Variants in UBE2O observed in about 807,000 individuals in gnomAD.
UBE2O encodes ubiquitin conjugating enzyme E2 O, also known as (E3-independent) E2 ubiquitin-conjugating enzyme.
In UBE2O, 15 loss-of-function variants were observed where a neutral mutation model predicts 125.8. The ratio of observed to expected loss-of-function variants is 0.12; its 90% CI spans 0.08 to 0.18. The LOEUF is 0.18. Ranked by LOEUF, UBE2O falls within the 10% of genes least tolerant of loss-of-function variation. UBE2O has a pLI of 1.00. For synonymous variants in UBE2O, 708 were observed against 703.2 expected (o/e 1.01, Z -0.11); for missense variants, 1,280 against 1,723.6 (o/e 0.74, Z 4.56).
In UBE2O at chr17:76,402,182, A is replaced by T; in HGVS notation, c.687-55T>A. On this transcript the variant is annotated intron_variant, in intron 4 of 17. Coordinates refer to ENST00000319380, the MANE Select transcript of UBE2O (RefSeq NM_022066.4). The surrounding 1 kb of genome is among the most constrained non-coding windows in gnomAD (Gnocchi z 5.4). ...ACCAGGGGACACAGTGAGTACCAAAAAGTTGCGATTCTGAGATGCCAATGC... is the reference window on the plus strand; with the variant it reads ...ACCAGGGGACACAGTGAGTACCAAATAGTTGCGATTCTGAGATGCCAATGC... 6.3e-7 allele frequency: 1 copy of T among 1,576,506 alleles called. No individual in the cohort carries two copies. The highest frequency in any genetic ancestry group is 1.1e-5 in the South Asian group (1 of 88,390).
intron 1 of UBE2O, among the ~76,000 whole-genome samples, chr17:76,440,473 G>T (rs985632984): frequency 6.6e-6 from 1 of 152,162 alleles, no homozygotes; most frequent in African/African-American, 2.4e-5. Context: ...GACTACAGGC[G>T]TAAGCTGCCA....
rs368232493 is a variant in UBE2O at position 76,398,593 on chromosome 17, C to G, written c.1784-9G>C. The stretch of plus-strand genomic sequence containing the variant: ...GTCTGGACAGCTCTGGACTAGGGAA[C>G]CAGAGAAAGGGAAGTGACTAGCTAA... On this transcript the variant is annotated splice_polypyrimidine_tract_variant and intron_variant, in intron 10 of 17. Transcript: ENST00000319380. This position sits in a 1 kb window ranked among gnomAD's most constrained non-coding sequence, Gnocchi z 5.4. 1.5e-4 allele frequency: 241 copies of G among 1,612,710 alleles called. No homozygotes were observed. The highest frequency in any genetic ancestry group is 2.0e-4 in the Non-Finnish European group (235 of 1,179,120).
In UBE2O at chr17:76,392,075, G is replaced by A. The variant is rs2072123136; in HGVS notation, c.2985C>T (p.Thr995=). ...ACAAGTAGAGGCCATCCTCGTAGGG[G>A]GTTCGAGTGGGGCCCTTGATGAGAG... is the stretch of plus-strand genomic sequence containing the variant. ...FSALIKGPTR[T]PYEDGLYLFD... is the part of the protein sequence containing the mutation. The change falls in exon 16 of 18, where the codon ACC becomes ACT. Residue 995 remains threonine, a synonymous_variant. Transcript: ENST00000319380. The A allele has an allele frequency of 3.2e-6, 5 of 1,539,354 alleles. No homozygotes were observed. Among genetic ancestry groups the A allele is most frequent in the Admixed American group, 4.4e-5 (2 of 45,674 alleles).
chr17:76,389,844 GTTT>G lies in UBE2O; in HGVS notation c.*1096_*1098del, dbSNP rs66523654. On this transcript the variant is annotated 3_prime_UTR_variant, in exon 18 of 18. Transcript: ENST00000319380. The stretch of plus-strand genomic sequence containing the variant: ...TAAGAGTTAATATCTTTGCTTTTGA[GTTT>G]TTTTTCCAACCTTAAATATTACATA... 0.036 allele frequency: 5,437 copies of G among 152,242 alleles called. 124 individuals carry two copies. The highest frequency in any genetic ancestry group is 0.052 in the Non-Finnish European group (3,536 of 67,958). 9.4% of individuals were successfully genotyped at this position (152,242 alleles called of 1,614,324 possible). A position where few individuals can be genotyped will look rare whatever the true frequency, so the allele number is the denominator to read the frequency against.
intron 1 of UBE2O, among the ~76,000 whole-genome samples, chr17:76,425,225 C>CAA (rs58377572): frequency 0.024 from 2,245 of 94,574 alleles, 130 homozygotes; most frequent in African/African-American, 0.07. Context: ...GTCCTTTCGA[C>CAA]AAAAAAAAAA....
At chr17:76,424,632 TG>T (rs1371999418) in intron 1 of UBE2O, among the ~76,000 whole-genome samples, 1 of 152,010 alleles carries the variant, frequency 6.6e-6, no homozygotes, top group African/African-American at 2.4e-5. Flanking sequence ...TCCAGCACTT[TG>T]GGAAGCCAAG....
At position 76,421,101 on chromosome 17, in the gene UBE2O, T is replaced by A. The variant is rs1047154553; in HGVS notation, c.418-15529A>T. Among the ~76,000 whole-genome samples the A allele has an allele frequency of 2.6e-5, 4 of 152,254 alleles. No individual in the cohort carries two copies. The East Asian group carries it at 5.8e-4, about 22-fold the overall frequency. On this transcript the variant is annotated intron_variant, in intron 1 of 17. Coordinates refer to ENST00000319380, the MANE Select transcript of UBE2O (RefSeq NM_022066.4). ...GTGAACAGGACTCAGCACCACCCAT[T>A]TGCTAAGTGGGTGCAGTCCATCAGT...
chr17:76,422,872 G>C (rs1376129184), intron 1 of UBE2O, among the ~76,000 whole-genome samples: 1 of 152,262 alleles, frequency 6.6e-6, no homozygotes, highest in East Asian at 1.9e-4. Flanking sequence ...ACCCCAGCAA[G>C]TGCCTGGAAC....
At chr17:76,415,927 G>A (rs8071034) in intron 1 of UBE2O, among the ~76,000 whole-genome samples, 2,629 of 131,588 alleles carry the variant, frequency 0.02, 78 homozygotes, top group African/African-American at 0.062. Flanking sequence ...GCACATACAC[G>A]TATATACGTA....
At chr17:76,418,570 T>G (rs1222560766) in intron 1 of UBE2O, among the ~76,000 whole-genome samples, 4 of 133,120 alleles carry the variant, frequency 3.0e-5, no homozygotes, top group Admixed American at 2.2e-4. Context: ...GAGGAACAGG[T>G]TTTTTTTTTT....
At chr17:76,434,413 C>T (rs1000431117) in intron 1 of UBE2O, among the ~76,000 whole-genome samples, 1 of 152,166 alleles carries the variant, frequency 6.6e-6, no homozygotes, top group African/African-American at 2.4e-5. Flanking sequence ...AAACACAGTC[C>T]TACCCTGGAA....
At chr17:76,416,250 G>T (rs1275101362) in intron 1 of UBE2O, among the ~76,000 whole-genome samples, 1 of 150,400 alleles carries the variant, frequency 6.6e-6, no homozygotes, top group East Asian at 1.9e-4. Flanking sequence ...GTGTGTATAT[G>T]TATGTATATG....
At chr17:76,435,401 T>A (rs1045975667) in intron 1 of UBE2O, among the ~76,000 whole-genome samples, 1 of 96,738 alleles carries the variant, frequency 1.0e-5, no homozygotes, top group African/African-American at 3.7e-5. Context: ...AATATACAGA[T>A]ACACACACAC....
At position 76,404,899 on chromosome 17, in the gene UBE2O, AT is replaced by A. The variant is rs1364024672; in HGVS notation, c.588+306del. Among the ~76,000 whole-genome samples, 4 of 152,234 alleles carry A rather than the reference AT, an allele frequency of 2.6e-5. No individual in the cohort carries two copies. Among genetic ancestry groups the A allele is most frequent in the East Asian group, 1.9e-4 (1 of 5,200 alleles). On this transcript the variant is annotated intron_variant, in intron 3 of 17. Coordinates refer to ENST00000319380, the MANE Select transcript of UBE2O (RefSeq NM_022066.4). This position sits in a 1 kb window ranked among gnomAD's most constrained non-coding sequence, Gnocchi z 4.3. ...TGGTAAGTTTGAAATCATTAAAAAA[AT>A]AAACTATTTCCAATAATTTATTTTT... is the stretch of plus-strand genomic sequence containing the variant.
Position 76,400,606 on chromosome 17 carries a change from T to G in UBE2O, c.895-56A>C, listed in dbSNP as rs1042265160. The G allele has an allele frequency of 2.2e-5, 28 of 1,278,458 alleles. No homozygotes were observed. Among genetic ancestry groups the G allele is most frequent in the Non-Finnish European group, 3.0e-5 (27 of 910,336 alleles). 79.2% of individuals were successfully genotyped at this position (1,278,458 alleles called of 1,614,324 possible). A position where few individuals can be genotyped will look rare whatever the true frequency, so the allele number is the denominator to read the frequency against. On this transcript the variant is annotated intron_variant, in intron 6 of 17. Coordinates refer to ENST00000319380, the MANE Select transcript of UBE2O (RefSeq NM_022066.4). This position sits in a 1 kb window ranked among gnomAD's most constrained non-coding sequence, Gnocchi z 4.3. ...GGGCAGGCTCTGACAGCACTCTCTT[T>G]AGCCAGCTGCCCAAAGCCCACTTGA...
chr17:76,402,381 G>A lies in UBE2O; in HGVS notation c.686+221C>T, dbSNP rs1487179760. Among the ~76,000 whole-genome samples, 1 of 152,100 alleles carries A rather than the reference G, an allele frequency of 6.6e-6. No individual in the cohort carries two copies. The highest frequency in any genetic ancestry group is 2.4e-5 in the African/African-American group (1 of 41,408). On this transcript the variant is annotated intron_variant, in intron 4 of 17. Coordinates refer to ENST00000319380, the MANE Select transcript of UBE2O (RefSeq NM_022066.4). The surrounding 1 kb of genome is among the most constrained non-coding windows in gnomAD (Gnocchi z 5.4). ...TCTAGCAGATATCCTCAGTGAAAAC[G>A]TTTCTCCCCATGCCAGGACAGATCA... is the stretch of plus-strand genomic sequence containing the variant.
rs868799746 is a variant in UBE2O at position 76,405,955 on chromosome 17, T to C, written c.418-383A>G. On this transcript the variant is annotated intron_variant, in intron 1 of 17. Transcript: ENST00000319380. The surrounding 1 kb of genome is among the most constrained non-coding windows in gnomAD (Gnocchi z 6.1). ...CATTTGCTTTGCGTTCAATCTTTTT[T>C]CTGCCCTCTGCAAGTGCCTGCCCTA... 3.3e-4 allele frequency among the ~76,000 whole-genome samples: 50 copies of C among 152,384 alleles called. No homozygotes were observed. Among genetic ancestry groups the C allele is most frequent in the African/African-American group, 1.1e-3 (46 of 41,600 alleles).
At chr17:76,438,365 A>G (rs999575220) in intron 1 of UBE2O, among the ~76,000 whole-genome samples, 1 of 152,066 alleles carries the variant, frequency 6.6e-6, no homozygotes, top group African/African-American at 2.4e-5. Context: ...TACAATTAAA[A>G]AAGAAAAACT....
Position 76,400,235 on chromosome 17 carries a change from A to C in UBE2O, c.1067T>G (p.Val356Gly). The C allele has an allele frequency of 1.2e-6, 2 of 1,614,012 alleles. No individual in the cohort carries two copies. The highest frequency in any genetic ancestry group is 1.7e-6 in the Non-Finnish European group (2 of 1,179,992). ...QRQLGERCLY[V>G]FPAKVEPAKI... is the part of the protein sequence containing the mutation. Reference sequence around the variant, plus strand: ...GGCTGGCTCTACCTTGGCTGGGAAGACATACAGACAGCGCTCCCCAAGCTG... The same window carrying C: ...GGCTGGCTCTACCTTGGCTGGGAAGCCATACAGACAGCGCTCCCCAAGCTG... The change falls in exon 8 of 18, where the codon GTC (valine) becomes GGC (glycine). Residue 356 changes from valine (V) to glycine (G), a missense_variant. By Grantham distance (109) the Val-to-Gly change is moderately radical. This residue lies in a region of UBE2O where 206 missense variants were observed against 315.7 expected (regional missense o/e 0.65). Transcript: ENST00000319380. The surrounding 1 kb of genome is among the most constrained non-coding windows in gnomAD (Gnocchi z 4.3).
Sources: gnomAD v4.1 joint callset for allele counts (sites outside exome capture counted in the v4.1 genomes callset) on GRCh38, gnomAD v4.1.1 for gene constraint, gnomAD v4.1.1 regional missense constraint, Gnocchi (gnomAD v3.1) non-coding constraint, MANE v1.5 for transcripts, NCBI Gene and HGNC (gene_info 2026-07-23, HGNC 2026-07-21) for gene names.